The following RIMS1 variants were observed in gnomAD, a reference collection of about 807,000 sequenced individuals.
The protein encoded by RIMS1 is regulating synaptic membrane exocytosis protein 1.
In RIMS1, 83 loss-of-function variants were observed where a neutral mutation model predicts 214.1. The observed-to-expected ratio is 0.39, with a 90% CI of 0.32 to 0.47. The LOEUF is 0.47. Ranked by LOEUF, RIMS1 falls within the 20% of genes least tolerant of loss-of-function variation. The pLI is 0.99. For missense variants in RIMS1, 2,050 were observed against 2,161.8 expected, an observed-to-expected ratio of 0.95 and a Z score of 1.03; for synonymous variants, 793 against 786.8, an observed-to-expected ratio of 1.01 and a Z score of -0.13.
intron 28 of RIMS1, 129 bp from the exon 29 acceptor site, chr6:72,333,471 T>C (rs767674448): frequency 1.5e-6 from 1 of 681,922 alleles, no homozygotes; most frequent in East Asian, 2.8e-5. Flanking sequence ...TAGGTATAGA[T>C]CCACTACTCA....
intron 29 of RIMS1, among the ~76,000 whole-genome samples, chr6:72,364,112 CCT>C (rs2097913367): frequency 6.6e-6 from 1 of 152,186 alleles, no homozygotes. Flanking sequence ...TAGGCCAAGC[CCT>C]CTCTTTTACT....
At chr6:72,255,318 A>C (rs1257864018) in intron 16 of RIMS1, among the ~76,000 whole-genome samples, 1 of 152,186 alleles carries the variant, frequency 6.6e-6, no homozygotes, top group African/African-American at 2.4e-5. Flanking sequence ...TAGATATGGA[A>C]GTCGTCTTCT....
At chr6:72,240,785 C>T (rs977582315) in intron 9 of RIMS1, among the ~76,000 whole-genome samples, 1 of 151,754 alleles carries the variant, frequency 6.6e-6, no homozygotes, top group African/African-American at 2.4e-5. Flanking sequence ...GAGGTGGGTG[C>T]ATCACCTGAG....
intron 2 of RIMS1, among the ~76,000 whole-genome samples, chr6:72,069,086 A>C (rs1030519707): frequency 6.6e-6 from 1 of 152,168 alleles, no homozygotes; most frequent in Non-Finnish European, 1.5e-5. Flanking sequence ...TGTACAGTGG[A>C]GGCTAACAAT....
rs918776843 is a variant in RIMS1 at position 72,163,577 on chromosome 6, C to T, written c.472-15998C>T. ...TGGGTTTTTGGTGTGGATGTCCTTT[C>T]TGTTTGTTAGTTTTCCTTTTAGCAG... On this transcript the variant is annotated intron_variant, in intron 4 of 33. Transcript: ENST00000521978. Among the ~76,000 whole-genome samples, 27 of 140,760 alleles carry T rather than the reference C, an allele frequency of 1.9e-4. 2 individuals carry two copies. Among genetic ancestry groups the T allele is most frequent in the Non-Finnish European group, 3.6e-4 (22 of 61,906 alleles). The allele number at this position is 140,760 out of a possible 152,430, so 92.3% of individuals were successfully genotyped here.
intron 27 of RIMS1, among the ~76,000 whole-genome samples, chr6:72,311,093 G>C (rs374667420): frequency 6.6e-6 from 1 of 152,146 alleles, no homozygotes; most frequent in African/African-American, 2.4e-5. Flanking sequence ...AGTGTACACT[G>C]CTTAATATTG....
At chr6:72,123,931 G>A (rs2038964777) in intron 4 of RIMS1, among the ~76,000 whole-genome samples, 1 of 151,800 alleles carries the variant, frequency 6.6e-6, no homozygotes, top group Non-Finnish European at 1.5e-5. Flanking sequence ...TATCCAATTT[G>A]CCAGTCTGTG....
chr6:71,896,700 G>A (rs2150400586), intron 1 of RIMS1, among the ~76,000 whole-genome samples: 1 of 152,276 alleles, frequency 6.6e-6, no homozygotes, highest in East Asian at 1.9e-4. Context: ...TGGTGGTTAT[G>A]ATAAGAGGTG....
At chr6:72,057,664 C>T (rs1277878733) in intron 2 of RIMS1, among the ~76,000 whole-genome samples, 1 of 151,990 alleles carries the variant, frequency 6.6e-6, no homozygotes, top group South Asian at 2.1e-4. Context: ...CCCGCCACCA[C>T]TACTAGCTAA....
At chr6:72,361,583 T>G (rs1314315500) in intron 29 of RIMS1, among the ~76,000 whole-genome samples, 1 of 152,180 alleles carries the variant, frequency 6.6e-6, no homozygotes, top group Non-Finnish European at 1.5e-5. Context: ...GTAAGTGTGT[T>G]TTTTGCAATT....
chr6:72,112,843 A>T (rs2036379987), intron 4 of RIMS1, among the ~76,000 whole-genome samples: 1 of 152,164 alleles, frequency 6.6e-6, no homozygotes, highest in East Asian at 1.9e-4. Context: ...TCTGTAGAAA[A>T]GGGGGACTTT....
chr6:72,073,293 C>T (rs1161650232), intron 2 of RIMS1, among the ~76,000 whole-genome samples: 1 of 152,122 alleles, frequency 6.6e-6, no homozygotes, highest in East Asian at 1.9e-4. Context: ...TCCGTATTGG[C>T]TCTTCATACA....
At chr6:72,054,604 T>C (rs1825655844) in intron 2 of RIMS1, among the ~76,000 whole-genome samples, 1 of 152,206 alleles carries the variant, frequency 6.6e-6, no homozygotes, top group African/African-American at 2.4e-5. Context: ...TCTTGACTTT[T>C]TAATAATTGC....
intron 4 of RIMS1, among the ~76,000 whole-genome samples, chr6:72,150,422 C>G (rs2043381372): frequency 1.3e-5 from 2 of 152,068 alleles, no homozygotes; most frequent in Admixed American, 1.3e-4. Context: ...CACCAGGGAC[C>G]CACCCCTATC....
intron 1 of RIMS1, among the ~76,000 whole-genome samples, chr6:71,968,107 G>A (rs1355074808): frequency 6.6e-6 from 1 of 152,150 alleles, no homozygotes; most frequent in Non-Finnish European, 1.5e-5. Flanking sequence ...AAGATGTGAG[G>A]TCTAAGTTTT....
chr6:72,074,981 C>G (rs962822948), intron 2 of RIMS1, among the ~76,000 whole-genome samples: 2 of 152,124 alleles, frequency 1.3e-5, no homozygotes, highest in Non-Finnish European at 2.9e-5. Context: ...GACATCAAAT[C>G]TCACAGTATT....
intron 6 of RIMS1, among the ~76,000 whole-genome samples, chr6:72,215,906 C>T (rs895436366): frequency 5.9e-5 from 9 of 152,058 alleles, no homozygotes; most frequent in African/African-American, 2.2e-4. Flanking sequence ...TTATTTTTGA[C>T]AAGTACATGT....
chr6:71,887,385 T>C (rs2150300647), intron 1 of RIMS1, among the ~76,000 whole-genome samples, 198 bp downstream of exon 1: 1 of 152,074 alleles, frequency 6.6e-6, no homozygotes, highest in Non-Finnish European at 1.5e-5. Flanking sequence ...GGAGGGGATA[T>C]GCCACAGATC....
At chr6:72,284,224 G>A in intron 24 of RIMS1, 106 bp downstream of exon 24, 1 of 869,898 alleles carries the variant, frequency 1.1e-6, no homozygotes, top group Non-Finnish European at 1.8e-6. Flanking sequence ...AAATTGTGAT[G>A]TTTAAAGGCA....
Sources: allele counts gnomAD v4.1 joint callset (sites outside exome capture counted in the v4.1 genomes callset), GRCh38; gene constraint gnomAD v4.1.1; transcripts MANE v1.5; gene names NCBI Gene and HGNC (gene_info 2026-07-23, HGNC 2026-07-21).